The following EIPR1 variants were observed in gnomAD, a reference collection of about 807,000 sequenced individuals.
The protein encoded by EIPR1 is EARP complex and GARP complex interacting protein 1, also known as EARP and GARP complex-interacting protein 1.
EIPR1 carries 25 observed loss-of-function variants against 48.1 expected under a neutral mutation model. The ratio of observed to expected loss-of-function variants is 0.52; its 90% CI spans 0.38 to 0.73. EIPR1 has a LOEUF of 0.73. Ranked by LOEUF, EIPR1 falls within the 30% of genes least tolerant of loss-of-function variation. The pLI is 0.00. For missense variants in EIPR1, 415 were observed against 506.2 expected, an observed-to-expected ratio of 0.82 and a Z score of 1.73; for synonymous variants, 204 against 201.9, an observed-to-expected ratio of 1.01 and a Z score of -0.09.
intron 3 of EIPR1, among the ~76,000 whole-genome samples, chr2:3,294,230 T>G (rs1044058383): frequency 1.3e-5 from 2 of 152,082 alleles, no homozygotes; most frequent in Non-Finnish European, 2.9e-5. Context: ...CTTTGACCTG[T>G]GTCCTTGAAC....
intron 3 of EIPR1, among the ~76,000 whole-genome samples, chr2:3,321,828 G>A (rs541718476): frequency 2.0e-5 from 3 of 152,246 alleles, no homozygotes; most frequent in East Asian, 1.9e-4. Flanking sequence ...TGGACCAGGC[G>A]GGCACATCAG....
intron 3 of EIPR1, among the ~76,000 whole-genome samples, chr2:3,323,368 C>T (rs913075598): frequency 4.6e-5 from 7 of 152,300 alleles, no homozygotes; most frequent in South Asian, 2.1e-4. Context: ...CCAGTATCCC[C>T]GGCTTCCTAC....
At chr2:3,348,718 G>A (rs1456109918) in intron 2 of EIPR1, among the ~76,000 whole-genome samples, 1 of 152,226 alleles carries the variant, frequency 6.6e-6, no homozygotes, top group Non-Finnish European at 1.5e-5. Context: ...CAGGTACCGG[G>A]CATTTTCCAG....
intron 3 of EIPR1, among the ~76,000 whole-genome samples, chr2:3,291,853 G>C (rs1203968649): frequency 1.3e-5 from 2 of 152,240 alleles, no homozygotes; most frequent in African/African-American, 4.8e-5. Context: ...TTATGTAAAG[G>C]TAAGTTGGTC....
Position 3,286,663 on chromosome 2 carries a change from C to T in EIPR1, c.260-29208G>A, listed in dbSNP as rs533589402. 6.6e-5 allele frequency among the ~76,000 whole-genome samples: 10 copies of T among 152,366 alleles called. No homozygotes were observed. Among genetic ancestry groups the T allele is most frequent in the Admixed American group, 5.2e-4 (8 of 15,310 alleles). On this transcript the variant is annotated intron_variant, in intron 3 of 8. Transcript: ENST00000382125. The surrounding 1 kb of genome is among the most constrained non-coding windows in gnomAD (Gnocchi z 4.2). ...AGAGTGCCCCGCAGAGCACCCGAGACAGCGGCTGGCAGAGCACAGGCAGCA... is the reference window on the plus strand; with the variant it reads ...AGAGTGCCCCGCAGAGCACCCGAGATAGCGGCTGGCAGAGCACAGGCAGCA...
chr2:3,255,814 CACAA>C (rs1381472349), intron 4 of EIPR1, among the ~76,000 whole-genome samples: 3 of 66,336 alleles, frequency 4.5e-5, no homozygotes, highest in African/African-American at 1.6e-4. Flanking sequence ...TTAACACATA[CACAA>C]ATGTGCACAC....
intron 1 of EIPR1, among the ~76,000 whole-genome samples, chr2:3,360,954 G>A (rs1212989810): frequency 6.6e-6 from 1 of 152,044 alleles, no homozygotes; most frequent in East Asian, 1.9e-4. Context: ...AGGGAGGAGG[G>A]AGGAAGAGAA....
intron 3 of EIPR1, among the ~76,000 whole-genome samples, chr2:3,293,517 A>G (rs1293117190): frequency 6.6e-6 from 1 of 152,156 alleles, no homozygotes; most frequent in African/African-American, 2.4e-5. Context: ...AGGCTGCAAA[A>G]CAGCACACAG....
rs1669549647 is a variant in EIPR1 at position 3,322,134 on chromosome 2, G to T, written c.259+15883C>A. Among the ~76,000 whole-genome samples the T allele has an allele frequency of 2.6e-5, 4 of 152,202 alleles. No homozygotes were observed. In the South Asian group the frequency reaches 8.3e-4, roughly 31 times the overall value. ...TTCTGAAATCCGCTCTTCCCAGCGA[G>T]GTCAGCACGGTCCTCCCCTGGCAGG... On this transcript the variant is annotated intron_variant, in intron 3 of 8. Transcript: ENST00000382125.
In EIPR1 at chr2:3,312,531, CCCT is replaced by C. The variant is rs1393757811; in HGVS notation, c.259+25483_259+25485del. Among the ~76,000 whole-genome samples the C allele has an allele frequency of 6.6e-6, 1 of 152,140 alleles. No individual in the cohort carries two copies. Among genetic ancestry groups the C allele is most frequent in the East Asian group, 1.9e-4 (1 of 5,188 alleles). On this transcript the variant is annotated intron_variant, in intron 3 of 8. Coordinates refer to ENST00000382125, the MANE Select transcript of EIPR1 (RefSeq NM_003310.5). This position sits in a 1 kb window ranked among gnomAD's most constrained non-coding sequence, Gnocchi z 5.5. ...AGGTTCCCATGGTCCTCCCAAGGCT[CCCT>C]CCCACCACTCAGCACCTGCTCATCA...
At chr2:3,324,194 C>G (rs986261777) in intron 3 of EIPR1, among the ~76,000 whole-genome samples, 3 of 152,206 alleles carry the variant, frequency 2.0e-5, no homozygotes, top group South Asian at 2.1e-4. Context: ...AGGCACTGCA[C>G]GAGCGACATG....
At chr2:3,270,958 C>T (rs1042819606) in intron 3 of EIPR1, among the ~76,000 whole-genome samples, 2 of 152,234 alleles carry the variant, frequency 1.3e-5, no homozygotes, top group Non-Finnish European at 2.9e-5. Context: ...CCTTTAAAAC[C>T]CTAACACTGC....
intron 3 of EIPR1, among the ~76,000 whole-genome samples, chr2:3,309,879 G>T (rs1377945963): frequency 6.6e-6 from 1 of 152,226 alleles, no homozygotes; most frequent in Non-Finnish European, 1.5e-5. Flanking sequence ...TTAGGAAAGA[G>T]ACGGTGGTGT....
At chr2:3,339,155 G>A (rs942129715) in intron 2 of EIPR1, among the ~76,000 whole-genome samples, 3 of 152,202 alleles carry the variant, frequency 2.0e-5, no homozygotes, top group African/African-American at 4.8e-5. Context: ...CTGTACGAAT[G>A]CTACATCCTT....
chr2:3,295,981 ACCCT>A (rs1205114967), intron 3 of EIPR1, among the ~76,000 whole-genome samples: 6 of 71,236 alleles, frequency 8.4e-5, no homozygotes, highest in Admixed American at 1.7e-4. Context: ...CTGCACACAC[ACCCT>A]CCATCCAGCC....
chr2:3,234,039 G>A (rs1666322928), intron 4 of EIPR1, among the ~76,000 whole-genome samples: 1 of 152,210 alleles, frequency 6.6e-6, no homozygotes, highest in Non-Finnish European at 1.5e-5. Flanking sequence ...AAGGGTAGCA[G>A]CCAGGATCCA....
At chr2:3,259,362 C>T (rs938463153) in intron 3 of EIPR1, among the ~76,000 whole-genome samples, 5 of 103,316 alleles carry the variant, frequency 4.8e-5, no homozygotes, top group African/African-American at 1.0e-4. Flanking sequence ...TTCCTGTAAA[C>T]GCCAGCTCAC....
intron 4 of EIPR1, among the ~76,000 whole-genome samples, chr2:3,227,584 A>C (rs1180481808): frequency 6.6e-6 from 1 of 152,260 alleles, no homozygotes; most frequent in Non-Finnish European, 1.5e-5. Context: ...AGAAATTTGC[A>C]TAAGTAACAA....
chr2:3,317,443 T>A (rs1159141509), intron 3 of EIPR1, among the ~76,000 whole-genome samples: 1 of 150,066 alleles, frequency 6.7e-6, no homozygotes, highest in Non-Finnish European at 1.5e-5. Context: ...TGGGAGCGCA[T>A]GAGGCACTGA....
Sources: allele counts gnomAD v4.1 joint callset (sites outside exome capture counted in the v4.1 genomes callset), GRCh38; gene constraint gnomAD v4.1.1; non-coding constraint Gnocchi (gnomAD v3.1); transcripts MANE v1.5; gene names NCBI Gene and HGNC (gene_info 2026-07-23, HGNC 2026-07-21).